The following TNRC6B variants were observed in gnomAD, a reference collection of about 807,000 sequenced individuals.
The protein encoded by TNRC6B is trinucleotide repeat-containing gene 6B protein.
Under a neutral mutation model 203.6 loss-of-function variants are expected in TNRC6B, and 52 were observed. That is an observed-to-expected ratio of 0.26 (90% confidence interval 0.20 to 0.32). The LOEUF is 0.32. TNRC6B is among the 10% of genes least tolerant of loss of function. The pLI is 1.00. For synonymous variants in TNRC6B, 838 were observed against 845.7 expected (o/e 0.99, Z 0.16); for missense variants, 1,923 against 2,286.2 (o/e 0.84, Z 3.24).
chr22:40,220,643 G>A (rs1399560282), intron 1 of TNRC6B, among the ~76,000 whole-genome samples: 2 of 152,124 alleles, frequency 1.3e-5, no homozygotes, highest in South Asian at 2.1e-4. Flanking sequence ...TTTGATGCTC[G>A]GTGTTTCATT....
chr22:40,117,849 A>G (rs865803293), intron 2 of TNRC6B, among the ~76,000 whole-genome samples: 20 of 152,138 alleles, frequency 1.3e-4, no homozygotes, highest in African/African-American at 4.8e-4. Flanking sequence ...AAATTATTCA[A>G]TATTTTATAT....
chr22:40,261,999 T>A lies in TNRC6B; in HGVS notation c.283T>A (p.Phe95Ile). The change falls in exon 4 of 23, where the codon TTC (phenylalanine) becomes ATC (isoleucine). Residue 95 changes from phenylalanine to isoleucine, a missense_variant. By Grantham distance (21) the Phe-to-Ile change is conservative (BLOSUM62 0). Coordinates refer to ENST00000454349, the MANE Select transcript of TNRC6B (RefSeq NM_001162501.2). ...RYMPREVPPR[F>I]RCQQDHKVLL... Reference sequence around the variant, plus strand: ...CATGCCTCGGGAGGTGCCGCCGCGATTCCGTTGCCAGCAGGACCACAAAGT... The same window carrying A: ...CATGCCTCGGGAGGTGCCGCCGCGAATCCGTTGCCAGCAGGACCACAAAGT... The A allele has an allele frequency of 6.2e-7, 1 of 1,610,230 alleles. No homozygotes were observed. Among genetic ancestry groups the A allele is most frequent in the Non-Finnish European group, 8.5e-7 (1 of 1,177,682 alleles).
chr22:40,124,468 A>G (rs780643397), intron 2 of TNRC6B, among the ~76,000 whole-genome samples: 3 of 151,676 alleles, frequency 2.0e-5, no homozygotes, highest in Non-Finnish European at 2.9e-5. Context: ...GCCCACATAC[A>G]TGTGTCACCA....
chr22:40,047,755 C>T (rs962607460), intron 1 of TNRC6B, among the ~76,000 whole-genome samples: 4 of 152,168 alleles, frequency 2.6e-5, no homozygotes, highest in Admixed American at 2.6e-4. Context: ...TTTCAGAGCC[C>T]TTTGTGCAGA....
At chr22:40,171,388 C>A (rs2068996885) in intron 4 of TNRC6B, among the ~76,000 whole-genome samples, 1 of 151,994 alleles carries the variant, frequency 6.6e-6, no homozygotes, top group South Asian at 2.1e-4. Flanking sequence ...GTCTCGATCT[C>A]CTGACCTTGT....
intron 1 of TNRC6B, among the ~76,000 whole-genome samples, chr22:40,115,161 A>G (rs2068375560): frequency 6.6e-6 from 1 of 152,212 alleles, no homozygotes; most frequent in South Asian, 2.1e-4. Flanking sequence ...GGACTGAGTG[A>G]CATGGTCTCT....
intron 4 of TNRC6B, among the ~76,000 whole-genome samples, chr22:40,170,793 GTATATATACATATA>G (rs1569006425): frequency 2.0e-4 from 12 of 58,640 alleles, no homozygotes; most frequent in African/African-American, 1.1e-3. Flanking sequence ...ATATATGTGT[GTATATATACATATA>G]TGTACATATA....
chr22:40,229,179 T>TA (rs1236715644), intron 1 of TNRC6B, among the ~76,000 whole-genome samples: 1 of 152,214 alleles, frequency 6.6e-6, no homozygotes, highest in African/African-American at 2.4e-5. Context: ...CAATGAGATG[T>TA]AAAGGTAACA....
intron 3 of TNRC6B, among the ~76,000 whole-genome samples, chr22:40,140,788 A>C (rs959094223): frequency 1.3e-5 from 2 of 151,972 alleles, no homozygotes; most frequent in African/African-American, 4.8e-5. Flanking sequence ...CTACAGGTGC[A>C]TGCCACCATG....
At chr22:40,170,756 T>A (rs977886846) in intron 4 of TNRC6B, among the ~76,000 whole-genome samples, 1 of 122,702 alleles carries the variant, frequency 8.1e-6, no homozygotes, top group East Asian at 2.3e-4. Flanking sequence ...TATGTACATA[T>A]ATGTGTGTAT....
intron 4 of TNRC6B, among the ~76,000 whole-genome samples, chr22:40,162,790 T>A (rs1435475457): frequency 6.6e-6 from 1 of 152,224 alleles, no homozygotes; most frequent in Non-Finnish European, 1.5e-5. Context: ...GGCTTTTCTG[T>A]ATAATCTTGA....
At chr22:40,171,868 T>G (rs1726887935) in intron 4 of TNRC6B, among the ~76,000 whole-genome samples, 2 of 152,050 alleles carry the variant, frequency 1.3e-5, no homozygotes, top group African/African-American at 4.8e-5. Flanking sequence ...TTTCTTTCTC[T>G]TTTCTTTTTT....
chr22:40,326,359 A>C lies in TNRC6B; in HGVS notation c.*3118A>C, dbSNP rs536065716. 1.0e-4 allele frequency: 16 copies of C among 152,764 alleles called. No individual in the cohort carries two copies. The highest frequency in any genetic ancestry group is 3.6e-4 in the African/African-American group (15 of 41,586). 9.5% of individuals were successfully genotyped at this position (152,764 alleles called of 1,614,324 possible). A position where few individuals can be genotyped will look rare whatever the true frequency, so the allele number is the denominator to read the frequency against. On this transcript the variant is annotated 3_prime_UTR_variant, in exon 23 of 23. Coordinates refer to ENST00000454349, the MANE Select transcript of TNRC6B (RefSeq NM_001162501.2). ...TCCAAACATTATTGTCATACTGGGG[A>C]TCACACATTTTAAAACACATAGAAA...
chr22:40,097,808 CAG>C (rs371839079), intron 1 of TNRC6B, among the ~76,000 whole-genome samples: 10 of 151,488 alleles, frequency 6.6e-5, no homozygotes, highest in East Asian at 1.9e-4. Flanking sequence ...TTTTGACCAA[CAG>C]GGGATTAAGA....
intron 3 of TNRC6B, among the ~76,000 whole-genome samples, chr22:40,154,857 AAAAATATATATATAT>A (rs1420131044): frequency 2.8e-4 from 12 of 42,340 alleles, no homozygotes; most frequent in African/African-American, 1.7e-3. Flanking sequence ...AAAAAAAAAA[AAAAATATATATATAT>A]ATATATATAT....
chr22:40,242,199 TGTGTGTG>T (rs2070038998), intron 1 of TNRC6B, among the ~76,000 whole-genome samples: 1 of 151,988 alleles, frequency 6.6e-6, no homozygotes, highest in Non-Finnish European at 1.5e-5. Context: ...TGTGTGTGTG[TGTGTGTG>T]TGTGCATGCG....
chr22:40,296,190 T>C (rs904070577), intron 12 of TNRC6B, among the ~76,000 whole-genome samples: 7 of 152,106 alleles, frequency 4.6e-5, no homozygotes, highest in African/African-American at 1.7e-4. Flanking sequence ...CCAGGTTTGC[T>C]TCCAAGAAGG....
At chr22:40,300,326 A>G (rs1010031405) in intron 12 of TNRC6B, 129 bp from the exon 13 acceptor site, 2 of 834,044 alleles carry the variant, frequency 2.4e-6, no homozygotes, top group Non-Finnish European at 3.5e-6. Context: ...CCTGTTATAT[A>G]TTTTTCACAG....
At chr22:40,251,029 G>C (rs2070185063) in intron 2 of TNRC6B, 150 bp from the exon 3 acceptor site, 2 of 487,246 alleles carry the variant, frequency 4.1e-6, no homozygotes, top group Admixed American at 8.5e-5. Context: ...AAGGATGTCT[G>C]AACTGACTCC....
Sources: gnomAD v4.1 joint callset for allele counts (sites outside exome capture counted in the v4.1 genomes callset) on GRCh38, gnomAD v4.1.1 for gene constraint, MANE v1.5 for transcripts, NCBI Gene and HGNC (gene_info 2026-07-23, HGNC 2026-07-21) for gene names.